GRK7: variants seen among roughly 807,000 people sequenced by gnomAD.
GRK7 encodes rhodopsin kinase GRK7.
GRK7 carries 24 observed loss-of-function variants against 34.1 expected under a neutral mutation model. That is an observed-to-expected ratio of 0.70 (90% CI 0.51 to 0.99). GRK7 has a LOEUF of 0.99. Ranked by LOEUF, GRK7 falls within the 50% of genes least tolerant of loss-of-function variation. GRK7 has a pLI of 0.00. For missense variants in GRK7, 644 were observed against 707.3 expected (o/e 0.91, Z 1.02); for synonymous variants, 256 against 279.4 (o/e 0.92, Z 0.84).
intron 1 of GRK7, among the ~76,000 whole-genome samples, chr3:141,766,018 G>A (rs2677421): frequency 0.42 from 64,345 of 151,958 alleles, 14,040 homozygotes; most frequent in Middle Eastern, 0.54. Context: ...ACTGTATATG[G>A]AAATAAGGCT....
intron 4 of GRK7, among the ~76,000 whole-genome samples, chr3:141,806,960 T>C (rs369766989): frequency 3.3e-5 from 5 of 151,852 alleles, no homozygotes; most frequent in East Asian, 3.9e-4. Flanking sequence ...ATATATAAAG[T>C]GAATATGTAT....
intron 4 of GRK7, among the ~76,000 whole-genome samples, chr3:141,802,369 C>CACAA (rs1414557464): frequency 2.7e-5 from 4 of 147,370 alleles, no homozygotes; most frequent in African/African-American, 1.0e-4. Context: ...TTCTCTGTCA[C>CACAA]ACACACACAC....
chr3:141,814,397 C>T (rs1481857798), intron 5 of GRK7, among the ~76,000 whole-genome samples: 4 of 152,134 alleles, frequency 2.6e-5, no homozygotes, highest in Non-Finnish European at 5.9e-5. Flanking sequence ...ATCTAGTAGT[C>T]CCCTGTGTCT....
chr3:141,764,870 C>T lies in GRK7; in HGVS notation c.-1083C>T, dbSNP rs1422485703. On this transcript the variant is annotated 5_prime_UTR_variant, in exon 1 of 6. Transcript: ENST00000682958. ...CCAGAAATTCATCCTTCCAGTTACTCAGGCCCAAAACCTTGGAATCACCCT... is the reference window on the plus strand; with the variant it reads ...CCAGAAATTCATCCTTCCAGTTACTTAGGCCCAAAACCTTGGAATCACCCT... Among the ~76,000 whole-genome samples, 1 of 152,180 alleles carries T rather than the reference C, an allele frequency of 6.6e-6. No individual in the cohort carries two copies. The highest frequency in any genetic ancestry group is 2.4e-5 in the African/African-American group (1 of 41,456).
chr3:141,792,319 G>T (rs950999750), intron 4 of GRK7, among the ~76,000 whole-genome samples: 2 of 151,222 alleles, frequency 1.3e-5, no homozygotes, highest in Admixed American at 1.3e-4. Flanking sequence ...CAGGGGAATT[G>T]CTTGAACCCA....
intron 4 of GRK7, among the ~76,000 whole-genome samples, chr3:141,805,540 T>C (rs568206128): frequency 7.2e-5 from 11 of 152,276 alleles, no homozygotes; most frequent in Non-Finnish European, 1.6e-4. Context: ...AACCGGAACA[T>C]ATGGTCACCC....
At chr3:141,800,797 T>C (rs1331455752) in intron 4 of GRK7, among the ~76,000 whole-genome samples, 1 of 152,190 alleles carries the variant, frequency 6.6e-6, no homozygotes, top group Non-Finnish European at 1.5e-5. Flanking sequence ...GAGGACTGAC[T>C]GGCAAGGGGC....
rs1711175202 is a variant in GRK7 at position 141,818,416 on chromosome 3, G to A, written c.*1366G>A. The A allele has an allele frequency of 6.5e-6, 1 of 152,984 alleles. No individual in the cohort carries two copies. The highest frequency in any genetic ancestry group is 1.5e-5 in the Non-Finnish European group (1 of 68,654). 9.5% of individuals were successfully genotyped at this position (152,984 alleles called of 1,614,324 possible). A position where few individuals can be genotyped will look rare whatever the true frequency, so the allele number is the denominator to read the frequency against. On this transcript the variant is annotated 3_prime_UTR_variant, in exon 6 of 6. Transcript: ENST00000682958. ...GAATTGCTTGAACCCAGGAGGCGGA[G>A]GTTGTAGTGAGCCAAGATCGCAACA...
At chr3:141,809,308 G>A (rs140215103) in intron 5 of GRK7, among the ~76,000 whole-genome samples, 4 of 152,072 alleles carry the variant, frequency 2.6e-5, no homozygotes, top group Non-Finnish European at 4.4e-5. Context: ...AATGTCTCCC[G>A]TAGGATATCA....
chr3:141,775,750 C>A (rs1341223722), intron 2 of GRK7, among the ~76,000 whole-genome samples: 1 of 151,790 alleles, frequency 6.6e-6, no homozygotes, highest in Non-Finnish European at 1.5e-5. Flanking sequence ...TTTGGATATA[C>A]TGAGCTAACT....
In GRK7 at chr3:141,778,530, G is replaced by T; in HGVS notation, c.246G>T (p.Lys82Asn). 1 of 1,613,410 alleles carries T rather than the reference G, an allele frequency of 6.2e-7. No homozygotes were observed. The highest frequency in any genetic ancestry group is 8.5e-7 in the Non-Finnish European group (1 of 1,179,994). The change falls in exon 3 of 6, where the codon AAG (lysine) becomes AAT (asparagine). Residue 82 changes from lysine to asparagine, a missense_variant. Transcript: ENST00000682958. This position sits in a 1 kb window ranked among gnomAD's most constrained non-coding sequence, Gnocchi z 4.1. ...DFLATVPTFR[K>N]AATFLEDVQN... is the part of the protein sequence containing the mutation. ...TAGCCACAGTGCCCACGTTCCGCAA[G>T]GCGGCAACCTTCCTAGAGGACGTGC...
At chr3:141,787,755 C>A (rs1353358607) in intron 4 of GRK7, among the ~76,000 whole-genome samples, 1 of 151,994 alleles carries the variant, frequency 6.6e-6, no homozygotes, top group Non-Finnish European at 1.5e-5. Flanking sequence ...CGCCTGTAAT[C>A]CCAACACTTT....
rs576823075 is a variant in GRK7, at chr3:141,818,310, G to C, written c.*1260G>C. On this transcript the variant is annotated 3_prime_UTR_variant, in exon 6 of 6. Transcript: ENST00000682958. ...GCCTGGCCAACATGTTGTAAACCCC[G>C]TCTCTACTAAAAATACAAAAATTAG... 1 of 152,000 alleles carries C rather than the reference G, an allele frequency of 6.6e-6. No individual in the cohort carries two copies. Among genetic ancestry groups the C allele is most frequent in the Non-Finnish European group, 1.5e-5 (1 of 68,022 alleles). 9.4% of individuals were successfully genotyped at this position (152,000 alleles called of 1,614,324 possible).
intron 4 of GRK7, among the ~76,000 whole-genome samples, chr3:141,802,081 A>G (rs1710974567): frequency 1.3e-5 from 2 of 152,142 alleles, no homozygotes; most frequent in African/African-American, 4.8e-5. Flanking sequence ...AAGAAATACT[A>G]TGAGAGGCTG....
At chr3:141,795,700 G>A (rs941514524) in intron 4 of GRK7, among the ~76,000 whole-genome samples, 3 of 152,108 alleles carry the variant, frequency 2.0e-5, no homozygotes, top group Non-Finnish European at 4.4e-5. Flanking sequence ...AGCATTTTGG[G>A]AGGCCAAGGC....
chr3:141,750,643 T>C, the GRK7 span, among the ~76,000 whole-genome samples: 1 of 152,180 alleles, frequency 6.6e-6, no homozygotes, highest in African/African-American at 2.4e-5. Flanking sequence ...AATTATAGAA[T>C]TGCTTTTAAG....
chr3:141,767,843 G>A (rs1475731458), intron 1 of GRK7, among the ~76,000 whole-genome samples: 1 of 152,076 alleles, frequency 6.6e-6, no homozygotes, highest in Non-Finnish European at 1.5e-5. Context: ...AAAGTACCCT[G>A]GAATGGACTA....
At chr3:141,805,803 A>T (rs939244907) in intron 4 of GRK7, among the ~76,000 whole-genome samples, 1 of 152,164 alleles carries the variant, frequency 6.6e-6, no homozygotes, top group Non-Finnish European at 1.5e-5. Context: ...ACACTTTCTA[A>T]TGTTTTCTTC....
intron 1 of GRK7, among the ~76,000 whole-genome samples, chr3:141,770,770 G>A (rs1436140716): frequency 6.6e-6 from 1 of 152,154 alleles, no homozygotes; most frequent in South Asian, 2.1e-4. Flanking sequence ...TGGTGAGGAT[G>A]TTGAGAAAGG....
Sources: allele counts gnomAD v4.1 joint callset (sites outside exome capture counted in the v4.1 genomes callset), GRCh38; gene constraint gnomAD v4.1.1; non-coding constraint Gnocchi (gnomAD v3.1); transcripts MANE v1.5; gene names NCBI Gene and HGNC (gene_info 2026-07-23, HGNC 2026-07-21).